The following MPP7 variants were observed in gnomAD, a reference collection of about 807,000 sequenced individuals.
MPP7 encodes MAGUK p55 subfamily member 7.
In MPP7, 60 loss-of-function variants were observed where a neutral mutation model predicts 76.5. The observed-to-expected ratio is 0.78, with a 90% CI of 0.64 to 0.97. The LOEUF (loss-of-function observed/expected upper bound fraction) is 0.97. Ranked by LOEUF, MPP7 falls within the 50% of genes least tolerant of loss-of-function variation. The pLI, the probability that MPP7 is intolerant of heterozygous loss-of-function variation, is 0.00. For synonymous variants in MPP7, 237 were observed against 244.5 expected (o/e 0.97, Z 0.29); for missense variants, 641 against 694.0 (o/e 0.92, Z 0.86).
chr10:28,155,201 T>C (rs1836012030), intron 3 of MPP7, among the ~76,000 whole-genome samples: 2 of 152,274 alleles, frequency 1.3e-5, no homozygotes, highest in South Asian at 2.1e-4. Context: ...GAAAACTATA[T>C]ACAATTTGTT....
chr10:28,202,022 C>T, intron 3 of MPP7, 131 bp downstream of exon 3: 2 of 677,282 alleles, frequency 3.0e-6, no homozygotes, highest in African/African-American at 1.8e-5. Flanking sequence ...AACTTCCACG[C>T]CCGTCGGTGA....
intron 1 of MPP7, among the ~76,000 whole-genome samples, chr10:28,277,541 G>A (rs1324144192): frequency 1.3e-5 from 2 of 151,948 alleles, no homozygotes; most frequent in Non-Finnish European, 2.9e-5. Flanking sequence ...ACATATTTAA[G>A]GTCATACAGT....
intron 3 of MPP7, among the ~76,000 whole-genome samples, chr10:28,153,740 A>AC (rs879343409): frequency 4.9e-4 from 75 of 152,058 alleles, no homozygotes; most frequent in Non-Finnish European, 6.9e-4. Context: ...TGAATAAAGT[A>AC]CCCCCCAATG....
chr10:28,252,756 T>C (rs1839655004), intron 1 of MPP7, among the ~76,000 whole-genome samples: 1 of 152,198 alleles, frequency 6.6e-6, no homozygotes, highest in South Asian at 2.1e-4. Flanking sequence ...GTTTGAAATT[T>C]GAACCTATTT....
chr10:28,315,500 C>T (rs1762187), intron 2 of MPP7, among the ~76,000 whole-genome samples: 24,345 of 152,050 alleles, frequency 0.16, 2,142 homozygotes, highest in Non-Finnish European at 0.2. Flanking sequence ...GCCCACTGGC[C>T]TCACTCATCC....
chr10:28,114,085 A>G (rs1160389994), intron 11 of MPP7, among the ~76,000 whole-genome samples: 1 of 152,172 alleles, frequency 6.6e-6, no homozygotes, highest in Non-Finnish European at 1.5e-5. Context: ...AAAGTTAGAA[A>G]AGTGACAAAG....
chr10:28,265,108 C>T (rs960265011), intron 1 of MPP7, among the ~76,000 whole-genome samples: 5 of 152,118 alleles, frequency 3.3e-5, no homozygotes, highest in African/African-American at 1.2e-4. Flanking sequence ...AGAGATAGGT[C>T]CCTGAGTTCC....
At chr10:28,134,822 G>A (rs1416358885) in intron 5 of MPP7, among the ~76,000 whole-genome samples, 1 of 151,964 alleles carries the variant, frequency 6.6e-6, no homozygotes, top group Non-Finnish European at 1.5e-5. Flanking sequence ...AAGGAAAGAA[G>A]AAAACTGATT....
chr10:28,289,293 T>TC (rs1840857355), intron 1 of MPP7: 1 of 136,332 alleles, frequency 7.3e-6, no homozygotes, highest in Non-Finnish European at 1.5e-5. Flanking sequence ...AGAGCCAGAC[T>TC]CCATCTCAAA....
intron 2 of MPP7, among the ~76,000 whole-genome samples, chr10:28,216,195 TA>T (rs1251208185): frequency 6.7e-6 from 1 of 150,344 alleles, no homozygotes; most frequent in East Asian, 2.0e-4. Flanking sequence ...CTGAGCAACA[TA>T]GCAAGACCCC....
chr10:28,126,247 T>A (rs966323292), intron 6 of MPP7, among the ~76,000 whole-genome samples: 2 of 152,230 alleles, frequency 1.3e-5, no homozygotes, highest in Non-Finnish European at 2.9e-5. Context: ...TTCATGGTCA[T>A]AAAGCTTAGA....
chr10:28,226,813 A>G (rs778130941), intron 2 of MPP7, among the ~76,000 whole-genome samples: 7 of 152,230 alleles, frequency 4.6e-5, no homozygotes, highest in Non-Finnish European at 1.0e-4. Flanking sequence ...TCCCATAAAG[A>G]TTCTAAAATG....
intron 8 of MPP7, among the ~76,000 whole-genome samples, chr10:28,122,724 G>T (rs1588806589): frequency 6.6e-6 from 1 of 151,960 alleles, no homozygotes; most frequent in East Asian, 1.9e-4. Flanking sequence ...TTTTCTTATT[G>T]ATTTTTATCA....
chr10:28,202,080 G>T, intron 3 of MPP7, 73 bp downstream of exon 3: 1 of 1,018,020 alleles, frequency 9.8e-7, no homozygotes, highest in Non-Finnish European at 1.5e-6. Context: ...TTGATCTCTG[G>T]TTTACTTGGT....
chr10:28,072,816 C>G (rs1014101123), intron 12 of MPP7, among the ~76,000 whole-genome samples: 2 of 152,218 alleles, frequency 1.3e-5, no homozygotes, highest in African/African-American at 4.8e-5. Flanking sequence ...TCTTGGATCA[C>G]TCACTCAGTT....
chr10:28,305,282 G>C (rs1261890688), upstream of MPP7: 1 of 152,214 alleles, frequency 6.6e-6, no homozygotes, highest in Non-Finnish European at 1.5e-5. Context: ...GTTGGAGAAG[G>C]AGGTGAGGAC....
chr10:28,226,932 A>G (rs1435689736), intron 2 of MPP7, among the ~76,000 whole-genome samples: 1 of 152,216 alleles, frequency 6.6e-6, no homozygotes, highest in Non-Finnish European at 1.5e-5. Flanking sequence ...TAAACTAATC[A>G]CTATTATGTA....
chr10:28,165,908 T>C (rs894082269), intron 3 of MPP7, among the ~76,000 whole-genome samples: 5 of 150,116 alleles, frequency 3.3e-5, no homozygotes, highest in African/African-American at 1.2e-4. Flanking sequence ...GCCTGTAGTC[T>C]CAGCTACTTG....
intron 1 of MPP7, among the ~76,000 whole-genome samples, chr10:28,293,358 C>G (rs1231778809): frequency 6.6e-6 from 1 of 152,170 alleles, no homozygotes; most frequent in African/African-American, 2.4e-5. Context: ...TAACATATCA[C>G]TTTGTGCTGG....
Sources: allele counts gnomAD v4.1 joint callset (sites outside exome capture counted in the v4.1 genomes callset), GRCh38; gene constraint gnomAD v4.1.1; transcripts MANE v1.5; gene names NCBI Gene and HGNC (gene_info 2026-07-23, HGNC 2026-07-21).